SLC7A6OS: variants seen among roughly 807,000 people sequenced by gnomAD.
SLC7A6OS encodes the protein solute carrier family 7 member 6 opposite strand.
Under a neutral mutation model 34.3 loss-of-function variants are expected in SLC7A6OS, and 22 were observed. The observed-to-expected ratio is 0.64, with a 90% confidence interval of 0.46 to 0.92. The LOEUF is 0.92. Among genes scored for constraint, SLC7A6OS ranks in the 40% least tolerant of loss-of-function variants. The probability of loss-of-function intolerance (pLI) is 0.00; values close to 1 mark genes in which losing one functional copy is unlikely to be tolerated. For synonymous variants in SLC7A6OS, 199 were observed against 165.0 expected (o/e 1.21, Z -1.58); for missense variants, 434 against 407.7 (o/e 1.06, Z -0.56).
At chr16:68,304,867 A>T (rs1439047669) in intron 2 of SLC7A6OS, among the ~76,000 whole-genome samples, 1 of 152,196 alleles carries the variant, frequency 6.6e-6, no homozygotes, top group Non-Finnish European at 1.5e-5. Context: ...CCTGGCCCAC[A>T]TGGCAAAACC....
At chr16:68,309,701 A>G (rs1353455281) in intron 2 of SLC7A6OS, among the ~76,000 whole-genome samples, 3 of 152,182 alleles carry the variant, frequency 2.0e-5, no homozygotes, top group African/African-American at 7.2e-5. Flanking sequence ...ATCCAGGACT[A>G]TTCCTTTAAC....
rs1412931684 is a variant in SLC7A6OS, at chr16:68,300,658, T to C, written c.*617A>G. 1 of 985,360 alleles carries C rather than the reference T, an allele frequency of 1.0e-6. No individual in the cohort carries two copies. Among genetic ancestry groups the C allele is most frequent in the Non-Finnish European group, 1.2e-6 (1 of 829,948 alleles). The allele number at this position is 985,360 out of a possible 1,614,324, so 61.0% of individuals were successfully genotyped here. On this transcript the variant is annotated 3_prime_UTR_variant, in exon 5 of 5. Transcript: ENST00000263997. ...ATTTTACTAAACACATGTATCACATTCATATATATTGTTTCTTGGCCCCAC... is the reference window on the plus strand; with the variant it reads ...ATTTTACTAAACACATGTATCACATCCATATATATTGTTTCTTGGCCCCAC...
intron 2 of SLC7A6OS, among the ~76,000 whole-genome samples, chr16:68,306,249 G>A (rs139711138): frequency 5.8e-4 from 88 of 151,758 alleles, no homozygotes; most frequent in African/African-American, 1.9e-3. Context: ...ATGGAGTTTC[G>A]CTCTTGTCAC....
intron 2 of SLC7A6OS, among the ~76,000 whole-genome samples, chr16:68,306,241 G>A (rs538399133): frequency 3.9e-4 from 59 of 151,866 alleles, no homozygotes; most frequent in Non-Finnish European, 6.5e-4. Context: ...TTTTTGAGAT[G>A]GAGTTTCGCT....
intron 4 of SLC7A6OS, 119 bp downstream of exon 4, chr16:68,302,262 G>T: frequency 8.1e-7 from 1 of 1,229,102 alleles, no homozygotes; most frequent in South Asian, 1.4e-5. Context: ...CTCAGTTGCG[G>T]CTGGGCTGCT....
intron 2 of SLC7A6OS, among the ~76,000 whole-genome samples, chr16:68,304,610 C>T (rs2043313485): frequency 6.6e-6 from 1 of 152,146 alleles, no homozygotes; most frequent in Non-Finnish European, 1.5e-5. Context: ...GTGTGAGCCA[C>T]CTTGCTCAGC....
chr16:68,310,189 G>A, intron 2 of SLC7A6OS, 146 bp downstream of exon 2: 7 of 908,560 alleles, frequency 7.7e-6, no homozygotes, highest in Non-Finnish European at 1.1e-5. Context: ...AACACATGTT[G>A]GATGAACAAC....
chr16:68,307,724 T>C (rs1351838147), intron 2 of SLC7A6OS, among the ~76,000 whole-genome samples: 1 of 152,210 alleles, frequency 6.6e-6, no homozygotes, highest in Non-Finnish European at 1.5e-5. Context: ...TTTTTCCTGC[T>C]AGTCTAGTAT....
rs2043244073 is a variant in SLC7A6OS, at chr16:68,300,121, C to T, written c.*1154G>A. On this transcript the variant is annotated 3_prime_UTR_variant, in exon 5 of 5. Transcript: ENST00000263997. ...GAATGTTCTGTGTTGTTTCCTTAGA[C>T]CTGTGGTGTCCGCTGCAACAGCTAC... The T allele has an allele frequency of 6.6e-6, 1 of 152,190 alleles. No homozygotes were observed. The highest frequency in any genetic ancestry group is 1.5e-5 in the Non-Finnish European group (1 of 68,030). 9.4% of individuals were successfully genotyped at this position (152,190 alleles called of 1,614,324 possible).
intron 3 of SLC7A6OS, 94 bp from the exon 4 acceptor site, chr16:68,302,595 T>C (rs2043292685): frequency 2.7e-6 from 4 of 1,493,548 alleles, no homozygotes; most frequent in Non-Finnish European, 3.7e-6. Flanking sequence ...AGAGATATCA[T>C]GTAAAAGTGC....
At chr16:68,304,749 G>A (rs368362162) in intron 2 of SLC7A6OS, among the ~76,000 whole-genome samples, 5 of 152,206 alleles carry the variant, frequency 3.3e-5, no homozygotes, top group Admixed American at 6.5e-5. Flanking sequence ...AGATAGAAAC[G>A]TACAAGATAG....
Position 68,310,416 on chromosome 16 carries a change from G to A in SLC7A6OS, c.390C>T (p.Ala130=), listed in dbSNP as rs367992726. The part of the protein sequence containing the change: ...ESEYTPGNPE[A]AGNSGFQLLD... ...ACAACTGAAAGCCCGAGTTCCCGGC[G>A]GCTTCTGGGTTCCCCGGCGTGTACT... Residue 130 remains alanine (A), a synonymous_variant, in exon 2 of 5, where the codon GCC becomes GCT. Transcript: ENST00000263997. 1 of 1,610,640 alleles carries A rather than the reference G, an allele frequency of 6.2e-7. No individual in the cohort carries two copies.
In SLC7A6OS at chr16:68,310,611, C is replaced by T; in HGVS notation, c.195G>A (p.Glu65=). Residue 65 remains glutamate, a splice_region_variant and synonymous_variant, in exon 2 of 5, where the codon GAG becomes GAA. Coordinates refer to ENST00000263997, the MANE Select transcript of SLC7A6OS (RefSeq NM_032178.3). ...FHLVATVCSQ[E]EPVQPLLREV... is the part of the protein sequence containing the mutation. ...CCCGCAGGAGAGGCTGGACTGGTTCCTCCTAGGGGGCAACAGGGGACGGAG... is the reference window on the plus strand; with the variant it reads ...CCCGCAGGAGAGGCTGGACTGGTTCTTCCTAGGGGGCAACAGGGGACGGAG... 6.3e-6 allele frequency: 10 copies of T among 1,594,182 alleles called. No homozygotes were observed. The highest frequency in any genetic ancestry group is 8.6e-6 in the Non-Finnish European group (10 of 1,168,748).
chr16:68,301,841 T>C (rs1195617341), intron 4 of SLC7A6OS: 1 of 159,426 alleles, frequency 6.3e-6, no homozygotes, highest in Non-Finnish European at 1.4e-5. Flanking sequence ...TTCTTTAATA[T>C]AGTTACTACG....
Position 68,310,238 on chromosome 16 carries a change from T to C in SLC7A6OS, c.471+97A>G, listed in dbSNP as rs1369360370. The C allele has an allele frequency of 6.0e-6, 8 of 1,328,968 alleles. No homozygotes were observed. The South Asian group carries it at 6.1e-5, about 10-fold the overall frequency. 82.3% of individuals were successfully genotyped at this position (1,328,968 alleles called of 1,614,324 possible). ...TGAGGCCGTCACGCCGGATGGATCA[T>C]CCATCCCCTTAAGATGAAACTGTGC... On this transcript the variant is annotated intron_variant, in intron 2 of 4. Transcript: ENST00000263997.
At chr16:68,309,240 G>A (rs1339373634) in intron 2 of SLC7A6OS, among the ~76,000 whole-genome samples, 12 of 151,836 alleles carry the variant, frequency 7.9e-5, no homozygotes, top group Admixed American at 2.6e-4. Flanking sequence ...GACTACAAGC[G>A]CGTGCCACAA....
rs1127773 is a variant in SLC7A6OS, at chr16:68,298,844, G to A, written c.*2431C>T. 0.5 allele frequency: 76,667 copies of A among 152,432 alleles called. 20,187 individuals carry two copies. The highest frequency in any genetic ancestry group is 0.81 in the East Asian group (4,174 of 5,172). The allele number at this position is 152,432 out of a possible 1,614,324, so 9.4% of individuals were successfully genotyped here. ...TGATGCCCCCAGACACTGTCATCCTGGGCCGAGAAGAACCTGCTAGCTTGA... is the reference window on the plus strand; with the variant it reads ...TGATGCCCCCAGACACTGTCATCCTAGGCCGAGAAGAACCTGCTAGCTTGA... On this transcript the variant is annotated 3_prime_UTR_variant, in exon 5 of 5. Transcript: ENST00000263997.
chr16:68,304,110 A>C lies in SLC7A6OS; in HGVS notation c.594T>G (p.Tyr198Ter). The change falls in exon 3 of 5, where the codon TAT (tyrosine) becomes TAG (stop). Residue 198 changes from tyrosine to a stop codon, truncating the protein, a stop_gained. Transcript: ENST00000263997. LOFTEE classifies it high-confidence loss of function. ...QEEQKHDDYV[Y>*]DIYYLETATP... ...TGGCCGTCTCCAAGTAGTAAATGTC[A>C]TACACATAGTCATCGTGTTTTTGTT... 2 of 1,614,148 alleles carry C rather than the reference A, an allele frequency of 1.2e-6. No individual in the cohort carries two copies. Among genetic ancestry groups the C allele is most frequent in the South Asian group, 2.2e-5 (2 of 91,074 alleles).
chr16:68,301,537 G>T (rs1597019376), intron 4 of SLC7A6OS, 132 bp from the exon 5 acceptor site: 1 of 650,352 alleles, frequency 1.5e-6, no homozygotes, highest in Non-Finnish European at 2.4e-6. Context: ...AAATAAAAAA[G>T]AATATAGAAT....
Sources: gnomAD v4.1 joint callset for allele counts (sites outside exome capture counted in the v4.1 genomes callset) on GRCh38, gnomAD v4.1.1 for gene constraint, MANE v1.5 for transcripts, NCBI Gene and HGNC (gene_info 2026-07-23, HGNC 2026-07-21) for gene names.